The following PRORP variants were observed in gnomAD, a reference collection of about 807,000 sequenced individuals.
PRORP encodes the protein protein only RNase P catalytic subunit, also known as mitochondrial ribonuclease P catalytic subunit.
A neutral mutation model predicts 59.4 loss-of-function variants in PRORP; 51 were observed. That is an observed-to-expected ratio of 0.86 (90% CI 0.69 to 1.08). The LOEUF is 1.08. PRORP is among the 50% of genes least tolerant of loss of function. The pLI is 0.00. For synonymous variants in PRORP, 231 were observed against 245.6 expected (o/e 0.94, Z 0.55); for missense variants, 646 against 690.3 (o/e 0.94, Z 0.72).
intron 4 of PRORP, among the ~76,000 whole-genome samples, chr14:35,157,578 G>A (rs7153660): frequency 6.6e-6 from 1 of 151,754 alleles, no homozygotes; most frequent in African/African-American, 2.4e-5. Flanking sequence ...TTAGTAGAGA[G>A]AGGGTTTCAG....
At position 35,178,069 on chromosome 14, in the gene PRORP, A is replaced by G. The variant is rs947291903; in HGVS notation, c.1168-2601A>G. On this transcript the variant is annotated intron_variant, in intron 4 of 7. Coordinates refer to ENST00000534898, the MANE Select transcript of PRORP (RefSeq NM_014672.4). ...GTTGAGCGGTTGAGTGAGTTTCTTA[A>G]TCCTGAGTTCTAGTTTGATTGCACT... 1.8e-4 allele frequency among the ~76,000 whole-genome samples: 28 copies of G among 152,304 alleles called. No homozygotes were observed. In the East Asian group the frequency reaches 3.5e-3, roughly 19 times the overall value.
At chr14:35,154,526 A>G (rs2047862098) in intron 4 of PRORP, among the ~76,000 whole-genome samples, 1 of 152,176 alleles carries the variant, frequency 6.6e-6, no homozygotes, top group African/African-American at 2.4e-5. Flanking sequence ...ATGTGAAAAT[A>G]TCAAACCTGA....
chr14:35,200,273 A>G (rs1595293398), intron 5 of PRORP, among the ~76,000 whole-genome samples: 1 of 151,916 alleles, frequency 6.6e-6, no homozygotes, highest in Non-Finnish European at 1.5e-5. Context: ...GCTCACTGCA[A>G]CCTCCACCTC....
intron 5 of PRORP, among the ~76,000 whole-genome samples, chr14:35,250,898 T>C (rs2050596458): frequency 6.6e-6 from 1 of 152,182 alleles, no homozygotes; most frequent in Non-Finnish European, 1.5e-5. Context: ...CCGTAGGTTA[T>C]TGGGGAAAAG....
Position 35,123,702 on chromosome 14 carries a change from A to T in PRORP, c.457A>T (p.Ser153Cys). 6.2e-7 allele frequency: 1 copy of T among 1,614,250 alleles called. No homozygotes were observed. Among genetic ancestry groups the T allele is most frequent in the Non-Finnish European group, 8.5e-7 (1 of 1,180,044 alleles). Residue 153 changes from serine to cysteine, a missense_variant, in exon 2 of 8, where the codon AGC (serine) becomes TGC (cysteine). Ser to Cys is a moderately radical substitution (Grantham distance 112). Transcript: ENST00000534898. ...CATTTCACAGATGGCTGGCTGTCATAGCTCTATAGATGTGGCTAAATCTCT... is the reference window on the plus strand; with the variant it reads ...CATTTCACAGATGGCTGGCTGTCATTGCTCTATAGATGTGGCTAAATCTCT... ...WIISQMAGCH[S>C]SIDVAKSLLA...
intron 5 of PRORP, among the ~76,000 whole-genome samples, chr14:35,259,993 GTTT>G (rs557378360): frequency 2.0e-4 from 16 of 81,300 alleles, no homozygotes; most frequent in Non-Finnish European, 3.2e-4. Flanking sequence ...GGTTTTTCGG[GTTT>G]TTTTTTTTTT....
intron 5 of PRORP, among the ~76,000 whole-genome samples, chr14:35,213,721 C>T (rs1011461386): frequency 1.3e-5 from 2 of 152,192 alleles, no homozygotes; most frequent in African/African-American, 4.8e-5. Flanking sequence ...GCAGTCAGAA[C>T]ACACACAACA....
At chr14:35,259,994 T>G (rs1336507178) in intron 5 of PRORP, among the ~76,000 whole-genome samples, 5 of 24,106 alleles carry the variant, frequency 2.1e-4, no homozygotes, top group Non-Finnish European at 3.4e-4. Context: ...GTTTTTCGGG[T>G]TTTTTTTTTT....
intron 4 of PRORP, among the ~76,000 whole-genome samples, chr14:35,179,993 G>C (rs1389725133): frequency 6.6e-6 from 1 of 152,200 alleles, no homozygotes; most frequent in Non-Finnish European, 1.5e-5. Context: ...GTTTGCTGGA[G>C]GTCCACTCCA....
At chr14:35,272,907 A>C (rs1185567954) in intron 7 of PRORP, among the ~76,000 whole-genome samples, 2 of 152,182 alleles carry the variant, frequency 1.3e-5, no homozygotes. Context: ...ACTTTGAATC[A>C]TCTAGATTAT....
At chr14:35,201,217 C>G (rs1369754339) in intron 5 of PRORP, among the ~76,000 whole-genome samples, 1 of 152,184 alleles carries the variant, frequency 6.6e-6, no homozygotes, top group Admixed American at 6.5e-5. Context: ...GATCACCTGG[C>G]TAAGGAAGTT....
At chr14:35,237,602 T>C (rs2050254695) in intron 5 of PRORP, among the ~76,000 whole-genome samples, 1 of 152,200 alleles carries the variant, frequency 6.6e-6, no homozygotes, top group African/African-American at 2.4e-5. Context: ...GGGAGATATC[T>C]GAATATATTA....
At chr14:35,221,085 T>C (rs1268949818) in intron 5 of PRORP, among the ~76,000 whole-genome samples, 1 of 152,158 alleles carries the variant, frequency 6.6e-6, no homozygotes, top group East Asian at 1.9e-4. Flanking sequence ...TAGCTGGGTT[T>C]CTGGCAGCCC....
intron 5 of PRORP, among the ~76,000 whole-genome samples, chr14:35,184,104 G>A (rs752981295): frequency 2.7e-5 from 4 of 150,832 alleles, no homozygotes; most frequent in South Asian, 2.1e-4. Flanking sequence ...CATTTTTCTC[G>A]GTCCTTTTAC....
chr14:35,264,395 T>TA (rs2050985099), intron 5 of PRORP, among the ~76,000 whole-genome samples: 1 of 151,642 alleles, frequency 6.6e-6, no homozygotes, highest in Non-Finnish European at 1.5e-5. Flanking sequence ...GTGCTGGGAT[T>TA]ACAGGTGAGA....
chr14:35,259,765 T>A (rs2050851937), intron 5 of PRORP, among the ~76,000 whole-genome samples: 1 of 152,006 alleles, frequency 6.6e-6, no homozygotes, highest in Non-Finnish European at 1.5e-5. Flanking sequence ...CATGGTGCCG[T>A]GCACCTGTAA....
intron 4 of PRORP, among the ~76,000 whole-genome samples, chr14:35,176,820 G>A (rs7144845): frequency 1.5e-4 from 23 of 151,934 alleles, no homozygotes; most frequent in South Asian, 6.2e-4. Flanking sequence ...GTCTTGTGCC[G>A]GTTTTCAAAG....
chr14:35,258,055 TAAAAA>T (rs33929205), intron 5 of PRORP, among the ~76,000 whole-genome samples: 1 of 144,370 alleles, frequency 6.9e-6, no homozygotes, highest in South Asian at 2.2e-4. Flanking sequence ...CACATATGAG[TAAAAA>T]AAAAAAAAAT....
intron 5 of PRORP, among the ~76,000 whole-genome samples, chr14:35,229,308 C>CTTG (rs2050014270): frequency 1.3e-5 from 2 of 152,058 alleles, no homozygotes; most frequent in Admixed American, 1.3e-4. Context: ...TTAGGTCCCA[C>CTTG]TTGTTGATTT....
Sources: gnomAD v4.1 joint callset for allele counts (sites outside exome capture counted in the v4.1 genomes callset) on GRCh38, gnomAD v4.1.1 for gene constraint, MANE v1.5 for transcripts, NCBI Gene and HGNC (gene_info 2026-07-23, HGNC 2026-07-21) for gene names.